Variants in PCDHGA3 observed in about 807,000 individuals in gnomAD.
PCDHGA3 encodes protocadherin gamma-A3.
Under a neutral mutation model 58.5 loss-of-function variants are expected in PCDHGA3, and 40 were observed. The ratio of observed to expected loss-of-function variants is 0.68; its 90% CI spans 0.53 to 0.89. The LOEUF is 0.89. PCDHGA3 is among the 40% of genes least tolerant of loss of function. PCDHGA3 has a pLI of 0.00. For synonymous variants in PCDHGA3, 530 were observed against 525.7 expected (o/e 1.01, Z -0.11); for missense variants, 1,223 against 1,195.9 (o/e 1.02, Z -0.33).
chr5:141,450,052 G>C (rs2098667259), intron 1 of PCDHGA3, among the ~76,000 whole-genome samples: 1 of 141,832 alleles, frequency 7.1e-6, no homozygotes, highest in African/African-American at 2.7e-5. Flanking sequence ...TTTCGCCCAG[G>C]CTGGAATGCA....
chr5:141,393,085 ATCGGGAGGAGC>A (rs2092673421), intron 1 of PCDHGA3: 1 of 1,613,542 alleles, frequency 6.2e-7, no homozygotes, highest in African/African-American at 1.3e-5. Flanking sequence ...GGCAGGATAG[ATCGGGAGGAGC>A]TCTGCGCTCA....
At chr5:141,368,272 C>A (rs1227481804) in intron 1 of PCDHGA3, among the ~76,000 whole-genome samples, 1 of 152,064 alleles carries the variant, frequency 6.6e-6, no homozygotes, top group African/African-American at 2.4e-5. Flanking sequence ...ATTAAAGAAC[C>A]TAAGACCACT....
intron 1 of PCDHGA3, chr5:141,384,682 G>C (rs1780361260): frequency 6.2e-7 from 1 of 1,614,222 alleles, no homozygotes; most frequent in Non-Finnish European, 8.5e-7. Context: ...GGTGGCGGTG[G>C]ACAAAGATTC....
At position 141,433,110 on chromosome 5, in the gene PCDHGA3, G is replaced by A. The variant is rs1031253372; in HGVS notation, c.2425-61697G>A. On this transcript the variant is annotated intron_variant, in intron 1 of 3. Coordinates refer to ENST00000253812, the MANE Select transcript of PCDHGA3 (RefSeq NM_018916.4). Reference sequence around the variant, plus strand: ...GCAGACATGCTCGTCAGCCAGGAGAGCTTTGAAAAAAGCGAGCCCCTTTTG... The same window carrying A: ...GCAGACATGCTCGTCAGCCAGGAGAACTTTGAAAAAAGCGAGCCCCTTTTG... 3.1e-6 allele frequency: 5 copies of A among 1,613,982 alleles called. No homozygotes were observed. The African/African-American group carries it at 5.3e-5, about 17-fold the overall frequency.
At chr5:141,409,681 G>A in intron 1 of PCDHGA3, 1 of 1,613,368 alleles carries the variant, frequency 6.2e-7, no homozygotes, top group South Asian at 1.1e-5. Flanking sequence ...CTATAGTGGC[G>A]AGTGACCTAG....
intron 1 of PCDHGA3, among the ~76,000 whole-genome samples, chr5:141,435,953 G>A (rs2097789156): frequency 6.6e-6 from 1 of 151,984 alleles, no homozygotes; most frequent in Non-Finnish European, 1.5e-5. Context: ...CAAAAAAGGG[G>A]GCAAAATATA....
At chr5:141,395,560 G>T (rs868147032) in intron 1 of PCDHGA3, 1 of 206,840 alleles carries the variant, frequency 4.8e-6, no homozygotes, top group South Asian at 1.4e-4. Context: ...GTGTGTGTGT[G>T]TGTGTGTGTG....
Position 141,400,219 on chromosome 5 carries a change from C to T in PCDHGA3, c.2424+53762C>T, listed in dbSNP as rs1200450595. On this transcript the variant is annotated intron_variant, in intron 1 of 3. Coordinates refer to ENST00000253812, the MANE Select transcript of PCDHGA3 (RefSeq NM_018916.4). ...GGTGGCCTTGGCCTTGATCTCAGTG[C>T]TCTTCCTCCTGGCCGTGATTCTGGC... The T allele has an allele frequency of 1.9e-6, 3 of 1,613,934 alleles. No homozygotes were observed. Among genetic ancestry groups the T allele is most frequent in the African/African-American group, 1.3e-5 (1 of 74,930 alleles).
chr5:141,474,955 T>C (rs2099356879), intron 1 of PCDHGA3, among the ~76,000 whole-genome samples: 1 of 152,254 alleles, frequency 6.6e-6, no homozygotes, highest in African/African-American at 2.4e-5. Context: ...TTTTATTCAC[T>C]ATCCTAATCA....
At position 141,431,245 on chromosome 5, in the gene PCDHGA3, C is replaced by T; in HGVS notation, c.2425-63562C>T. The T allele has an allele frequency of 1.2e-6, 2 of 1,614,134 alleles. No individual in the cohort carries two copies. The highest frequency in any genetic ancestry group is 1.7e-6 in the Non-Finnish European group (2 of 1,180,038). ...TACCCCACGCCTGGGATCCGGATATCGGGAAGAACTCTCTGCAGAGCTACG... is the reference window on the plus strand; with the variant it reads ...TACCCCACGCCTGGGATCCGGATATTGGGAAGAACTCTCTGCAGAGCTACG... On this transcript the variant is annotated intron_variant, in intron 1 of 3. Transcript: ENST00000253812. This position sits in a 1 kb window ranked among gnomAD's most constrained non-coding sequence, Gnocchi z 4.8.
chr5:141,362,373 T>C (rs1281253972), intron 1 of PCDHGA3: 1 of 1,614,038 alleles, frequency 6.2e-7, no homozygotes, highest in East Asian at 2.2e-5. Flanking sequence ...ACAGTGAGGG[T>C]ACATTGCCCT....
intron 1 of PCDHGA3, chr5:141,422,006 C>G: frequency 6.2e-7 from 1 of 1,609,754 alleles, no homozygotes; most frequent in Non-Finnish European, 8.5e-7. Flanking sequence ...AGCTCCGGAA[C>G]TCGGGTGCTG....
intron 1 of PCDHGA3, chr5:141,365,899 G>A (rs747004585): frequency 6.2e-7 from 1 of 1,614,198 alleles, no homozygotes; most frequent in Non-Finnish European, 8.5e-7. Context: ...TCGACTATGA[G>A]CAGTTGAGAG....
chr5:141,377,938 A>T (rs1447195904), intron 1 of PCDHGA3: 1 of 152,228 alleles, frequency 6.6e-6, no homozygotes, highest in Non-Finnish European at 1.5e-5. Flanking sequence ...ACTGCTGCTT[A>T]TAGAGTGTGT....
intron 1 of PCDHGA3, among the ~76,000 whole-genome samples, chr5:141,387,209 T>C (rs911946032): frequency 1.3e-5 from 2 of 152,170 alleles, no homozygotes; most frequent in African/African-American, 4.8e-5. Flanking sequence ...ACTGATACTC[T>C]CCGGAAAAAG....
intron 1 of PCDHGA3, among the ~76,000 whole-genome samples, chr5:141,467,032 T>G (rs551565159): frequency 2.0e-5 from 3 of 152,164 alleles, no homozygotes; most frequent in Non-Finnish European, 2.9e-5. Flanking sequence ...GTTTTTGTTT[T>G]TTGTGTAATG....
chr5:141,356,291 C>T, intron 1 of PCDHGA3: 1 of 1,555,506 alleles, frequency 6.4e-7, no homozygotes, highest in South Asian at 1.2e-5. Flanking sequence ...TCCCCGGGTA[C>T]AGTAATTGCA....
intron 1 of PCDHGA3, chr5:141,399,118 A>G: frequency 6.2e-7 from 1 of 1,613,822 alleles, no homozygotes; most frequent in Non-Finnish European, 8.5e-7. Context: ...TACAGTTGAA[A>G]TTAATATTCA....
intron 1 of PCDHGA3, among the ~76,000 whole-genome samples, chr5:141,454,658 G>A (rs961640658): frequency 7.2e-5 from 11 of 151,812 alleles, no homozygotes; most frequent in Admixed American, 6.6e-5. Context: ...TGCCCACCTC[G>A]GCCTCCCAAA....
Sources: allele counts gnomAD v4.1 joint callset (sites outside exome capture counted in the v4.1 genomes callset), GRCh38; gene constraint gnomAD v4.1.1; non-coding constraint Gnocchi (gnomAD v3.1); transcripts MANE v1.5; gene names NCBI Gene and HGNC (gene_info 2026-07-23, HGNC 2026-07-21).